Variants in DOCK4 observed in about 807,000 individuals in gnomAD.
The protein encoded by DOCK4 is dedicator of cytokinesis protein 4.
DOCK4 carries 97 observed loss-of-function variants against 268.1 expected under a neutral mutation model. That is an observed-to-expected ratio of 0.36 (90% CI 0.31 to 0.43). The LOEUF is 0.43. Ranked by LOEUF, DOCK4 falls within the 20% of genes least tolerant of loss-of-function variation. The pLI, the probability that DOCK4 is intolerant of heterozygous loss-of-function variation, is 1.00. For missense variants in DOCK4, 2,145 were observed against 2,455.7 expected (o/e 0.87, Z 2.67); for synonymous variants, 954 against 887.2 (o/e 1.08, Z -1.34).
chr7:111,944,739 C>A, intron 10 of DOCK4, 72 bp downstream of exon 10: 1 of 1,384,144 alleles, frequency 7.2e-7, no homozygotes, highest in South Asian at 1.2e-5. Flanking sequence ...TAAATCACAA[C>A]AACATAGAAA....
At chr7:112,185,252 T>G (rs1244596129) in intron 1 of DOCK4, among the ~76,000 whole-genome samples, 1 of 152,192 alleles carries the variant, frequency 6.6e-6, no homozygotes, top group South Asian at 2.1e-4. Flanking sequence ...AGGAGCTCGT[T>G]TGATCCACTA....
intron 4 of DOCK4, among the ~76,000 whole-genome samples, chr7:111,997,475 A>G (rs1800061302): frequency 6.6e-6 from 1 of 152,180 alleles, no homozygotes. Context: ...AAGTATTTAT[A>G]CCATAGACTC....
chr7:112,068,661 T>G (rs1807298888), intron 1 of DOCK4, among the ~76,000 whole-genome samples: 1 of 152,218 alleles, frequency 6.6e-6, no homozygotes, highest in Non-Finnish European at 1.5e-5. Flanking sequence ...GCAAAATATC[T>G]TCTCTGATAT....
At chr7:112,196,821 TTGA>T (rs1820492095) in intron 1 of DOCK4, among the ~76,000 whole-genome samples, 1 of 152,230 alleles carries the variant, frequency 6.6e-6, no homozygotes, top group Non-Finnish European at 1.5e-5. Flanking sequence ...CAAACTGATG[TTGA>T]TATCACCTTA....
intron 36 of DOCK4, among the ~76,000 whole-genome samples, chr7:111,772,382 A>T (rs1484256650): frequency 6.6e-6 from 1 of 152,246 alleles, no homozygotes; most frequent in Non-Finnish European, 1.5e-5. Flanking sequence ...TCAAAAAAAA[A>T]GAAAAGTTCT....
intron 25 of DOCK4, among the ~76,000 whole-genome samples, chr7:111,843,616 G>GTA (rs1221733124): frequency 2.6e-5 from 4 of 152,050 alleles, no homozygotes; most frequent in Non-Finnish European, 5.9e-5. Flanking sequence ...TTCATAACTT[G>GTA]TATATATAGT....
At chr7:112,123,512 T>C (rs563191406) in intron 1 of DOCK4, among the ~76,000 whole-genome samples, 4 of 152,164 alleles carry the variant, frequency 2.6e-5, no homozygotes, top group Non-Finnish European at 5.9e-5. Flanking sequence ...AGTTAAGTGA[T>C]TGCAGTTTAC....
At chr7:111,731,624 A>G (rs965742825) in intron 52 of DOCK4, among the ~76,000 whole-genome samples, 2 of 152,222 alleles carry the variant, frequency 1.3e-5, no homozygotes, top group African/African-American at 2.4e-5. Context: ...CTACAAACCA[A>G]TTCGAATGTC....
intron 49 of DOCK4, among the ~76,000 whole-genome samples, 194 bp from the exon 50 acceptor site, chr7:111,737,183 G>A (rs138260886): frequency 2.3e-3 from 351 of 152,282 alleles, no homozygotes; most frequent in African/African-American, 8.0e-3. Context: ...TTTTGAGAAA[G>A]AAAAGAGTGT....
intron 25 of DOCK4, among the ~76,000 whole-genome samples, chr7:111,839,023 G>C (rs566127181): frequency 6.6e-6 from 1 of 152,188 alleles, no homozygotes; most frequent in East Asian, 1.9e-4. Context: ...TTAAAGAAAA[G>C]ATAATTATCT....
intron 30 of DOCK4, among the ~76,000 whole-genome samples, chr7:111,805,345 T>A (rs1157232376): frequency 6.6e-6 from 1 of 152,192 alleles, no homozygotes; most frequent in Non-Finnish European, 1.5e-5. Context: ...ACAAATGTAC[T>A]AAAGGATCCA....
intron 12 of DOCK4, among the ~76,000 whole-genome samples, chr7:111,932,972 T>A (rs1032813215): frequency 8.6e-5 from 13 of 151,660 alleles, no homozygotes; most frequent in Non-Finnish European, 1.6e-4. Context: ...CAAGATGTGT[T>A]CTCTAACAAA....
chr7:111,732,138 A>G, intron 52 of DOCK4, 88 bp downstream of exon 52: 1 of 1,352,400 alleles, frequency 7.4e-7, no homozygotes, highest in Non-Finnish European at 1.0e-6. Context: ...CCTGCAAATT[A>G]AAGCACCTTT....
rs183974314 is a variant in DOCK4 at position 111,933,121 on chromosome 7, T to C, written c.1066+2419A>G. Among the ~76,000 whole-genome samples, 248 of 103,228 alleles carry C rather than the reference T, an allele frequency of 2.4e-3. 6 individuals carry two copies. Among genetic ancestry groups the C allele is most frequent in the African/African-American group, 8.8e-3 (220 of 24,958 alleles). 67.7% of individuals were successfully genotyped at this position (103,228 alleles called of 152,430 possible). On this transcript the variant is annotated intron_variant, in intron 12 of 52. Transcript: ENST00000428084. ...ACACATATATATACGTATATACACA[T>C]ATATATACGTATATACACATATATA...
At chr7:112,048,159 A>G (rs548940985) in intron 1 of DOCK4, among the ~76,000 whole-genome samples, 3 of 152,278 alleles carry the variant, frequency 2.0e-5, no homozygotes, top group African/African-American at 7.2e-5. Flanking sequence ...CTACAGATCC[A>G]AGAAGCTTAA....
At chr7:111,839,847 G>C (rs980579301) in intron 25 of DOCK4, among the ~76,000 whole-genome samples, 5 of 151,652 alleles carry the variant, frequency 3.3e-5, no homozygotes, top group African/African-American at 1.2e-4. Context: ...TATTTCCATA[G>C]GTTTTTGGGG....
intron 47 of DOCK4, chr7:111,739,786 A>G (rs1795773589): frequency 2.6e-6 from 1 of 385,668 alleles, no homozygotes; most frequent in Non-Finnish European, 4.8e-6. Flanking sequence ...GGGCCCAAAA[A>G]CAGGCGAGTG....
chr7:111,787,677 T>C (rs145658415), intron 32 of DOCK4, among the ~76,000 whole-genome samples: 3 of 152,330 alleles, frequency 2.0e-5, no homozygotes, highest in South Asian at 2.1e-4. Flanking sequence ...TGTAAATTCA[T>C]GATCATAAAG....
At chr7:112,058,945 T>C (rs1806104444) in intron 1 of DOCK4, among the ~76,000 whole-genome samples, 1 of 152,132 alleles carries the variant, frequency 6.6e-6, no homozygotes, top group Non-Finnish European at 1.5e-5. Context: ...GAAGCTGATT[T>C]GAGTCAAGAT....
Sources: gnomAD v4.1 joint callset for allele counts (sites outside exome capture counted in the v4.1 genomes callset) on GRCh38, gnomAD v4.1.1 for gene constraint, MANE v1.5 for transcripts, NCBI Gene and HGNC (gene_info 2026-07-23, HGNC 2026-07-21) for gene names.